Variants in ZNG1F observed in about 807,000 individuals in gnomAD.
The protein encoded by ZNG1F is zinc-regulated GTPase metalloprotein activator 1F.
At chr9:41,146,218 G>A in the ZNG1F span, among the ~76,000 whole-genome samples, 3 of 142,662 alleles carry the variant, frequency 2.1e-5, no homozygotes, top group Non-Finnish European at 4.6e-5. Flanking sequence ...TCATGCAATG[G>A]CCTTCCCTAT....
the ZNG1F span, among the ~76,000 whole-genome samples, chr9:41,203,123 T>TGTG: frequency 2.6e-5 from 4 of 152,258 alleles, no homozygotes; most frequent in Non-Finnish European, 5.9e-5. Flanking sequence ...TCTCTGTGCA[T>TGTG]CACTTCAGGA....
the ZNG1F span, among the ~76,000 whole-genome samples, chr9:41,175,067 A>AT: frequency 1.4e-5 from 2 of 142,896 alleles, no homozygotes. Flanking sequence ...TTTTGAAAGC[A>AT]TCACAGGCCC....
the ZNG1F span, among the ~76,000 whole-genome samples, chr9:41,195,307 A>G: frequency 1.3e-5 from 1 of 78,668 alleles, no homozygotes; most frequent in Non-Finnish European, 2.8e-5. Context: ...CCAGAGGTCA[A>G]TGGCTTGTAT....
At chr9:41,132,093 A>G in the ZNG1F span, 1 of 1,549,210 alleles carries the variant, frequency 6.5e-7, no homozygotes, top group Non-Finnish European at 8.7e-7. Context: ...AACGTGACAA[A>G]GATGAAACAT....
the ZNG1F span, chr9:41,183,666 A>G: frequency 4.4e-6 from 7 of 1,606,162 alleles, no homozygotes; most frequent in Non-Finnish European, 6.0e-6. Context: ...ACTTCCTAGA[A>G]TAAATAACAA....
chr9:41,140,993 G>T, the ZNG1F span, among the ~76,000 whole-genome samples: 2 of 151,090 alleles, frequency 1.3e-5, no homozygotes, highest in African/African-American at 4.9e-5. Context: ...CTGTCAAAGC[G>T]CTAGGATTAC....
the ZNG1F span, among the ~76,000 whole-genome samples, chr9:41,146,297 G>A: frequency 1.2e-5 from 1 of 85,788 alleles, no homozygotes; most frequent in Non-Finnish European, 2.3e-5. Context: ...TTAAGTGTAT[G>A]TAGAATGAGA....
At chr9:41,159,129 TG>T in the ZNG1F span, among the ~76,000 whole-genome samples, 3 of 150,588 alleles carry the variant, frequency 2.0e-5, no homozygotes, top group South Asian at 6.3e-4. Flanking sequence ...CTCTCCTCGG[TG>T]GGGGTGGAAT....
chr9:41,152,278 G>T, the ZNG1F span, among the ~76,000 whole-genome samples: 1 of 145,952 alleles, frequency 6.9e-6, no homozygotes, highest in Admixed American at 7.0e-5. Flanking sequence ...ATGGTAAAGG[G>T]ATCAATTCAA....
the ZNG1F span, chr9:41,159,052 A>G: frequency 2.8e-4 from 42 of 148,760 alleles, no homozygotes; most frequent in Admixed American, 2.5e-3. Context: ...ATTTTTCCCT[A>G]TGTCTAAAGG....
the ZNG1F span, among the ~76,000 whole-genome samples, chr9:41,150,334 T>C: frequency 6.7e-4 from 101 of 149,978 alleles, 9 homozygotes; most frequent in East Asian, 0.019. Context: ...GCCCACGGAG[T>C]CTCGCGGATT....
chr9:41,173,584 G>A, the ZNG1F span, among the ~76,000 whole-genome samples: 1 of 141,198 alleles, frequency 7.1e-6, no homozygotes, highest in African/African-American at 2.6e-5. Context: ...AAGTAAGGGA[G>A]GAGTGTTTAA....
the ZNG1F span, chr9:41,183,783 CTT>C: frequency 1.2e-5 from 19 of 1,536,084 alleles, 2 homozygotes; most frequent in East Asian, 2.3e-5. Context: ...TATTTTATAA[CTT>C]ATATTCTTTC....
At chr9:41,149,794 T>A in the ZNG1F span, among the ~76,000 whole-genome samples, 1 of 151,004 alleles carries the variant, frequency 6.6e-6, no homozygotes, top group Non-Finnish European at 1.5e-5. Context: ...ATTGTACACT[T>A]AAAAAATTGT....
the ZNG1F span, among the ~76,000 whole-genome samples, chr9:41,150,124 G>C: frequency 1.2e-5 from 1 of 85,702 alleles, no homozygotes; most frequent in African/African-American, 3.8e-5. Flanking sequence ...TGCTCCATCC[G>C]CGAGCCAAAG....
the ZNG1F span, among the ~76,000 whole-genome samples, chr9:41,154,420 C>T: frequency 0.14 from 20,178 of 143,266 alleles, 2,349 homozygotes; most frequent in Middle Eastern, 0.24. Flanking sequence ...CTGAAAATGG[C>T]CATACTGCCC....
At chr9:41,194,175 T>TA in the ZNG1F span, among the ~76,000 whole-genome samples, 1 of 73,416 alleles carries the variant, frequency 1.4e-5, no homozygotes, top group Admixed American at 1.7e-4. Flanking sequence ...TCCCAGTACA[T>TA]AAAAAACTAT....
the ZNG1F span, among the ~76,000 whole-genome samples, chr9:41,149,643 G>GT: frequency 6.7e-6 from 1 of 149,890 alleles, no homozygotes; most frequent in Non-Finnish European, 1.5e-5. Context: ...CACAGAAAGA[G>GT]TGTAGAATGG....
the ZNG1F span, among the ~76,000 whole-genome samples, chr9:41,155,918 G>C: frequency 0.16 from 20,959 of 134,508 alleles, 2,146 homozygotes; most frequent in Middle Eastern, 0.26. Flanking sequence ...CACCAGCATG[G>C]CACATGTATA....
Sources: gnomAD v4.1 joint callset for allele counts (sites outside exome capture counted in the v4.1 genomes callset) on GRCh38, gnomAD v4.1.1 for gene constraint, MANE v1.5 for transcripts, NCBI Gene and HGNC (gene_info 2026-07-23, HGNC 2026-07-21) for gene names.